ANO8: variants seen among roughly 807,000 people sequenced by gnomAD.
ANO8 encodes the protein anoctamin 8, also known as anoctamin-8.
A neutral mutation model predicts 120.4 loss-of-function variants in ANO8; 67 were observed. The observed-to-expected ratio is 0.56, with a 90% CI of 0.46 to 0.68. The LOEUF (loss-of-function observed/expected upper bound fraction) is 0.68. Among genes scored for constraint, ANO8 ranks in the 30% least tolerant of loss-of-function variants. ANO8 has a pLI of 0.00. For synonymous variants in ANO8, 727 were observed against 759.2 expected (o/e 0.96, Z 0.70); for missense variants, 1,526 against 1,737.6 (o/e 0.88, Z 2.16).
At position 17,333,137 on chromosome 19, in the gene ANO8, C is replaced by T. The variant is rs1462573874; in HGVS notation, c.453G>A (p.Glu151=). ...AGAAGCGTAGCTCGCTCTCCACATT[C>T]TCATAGATAAAGTCCTCCTCGCAGG... The part of the protein sequence containing the change: ...GFSCEEDFIY[E]NVESELRFFT... Residue 151 remains glutamate, a synonymous_variant, in exon 4 of 18, where the codon GAG becomes GAA. Transcript: ENST00000159087. This position sits in a 1 kb window ranked among gnomAD's most constrained non-coding sequence, Gnocchi z 7.2. The T allele has an allele frequency of 6.2e-7, 1 of 1,614,036 alleles. No homozygotes were observed.
Position 17,333,079 on chromosome 19 carries a change from G to C in ANO8, c.489+22C>G, listed in dbSNP as rs752820183. On this transcript the variant is annotated intron_variant, in intron 4 of 17. Transcript: ENST00000159087. This position sits in a 1 kb window ranked among gnomAD's most constrained non-coding sequence, Gnocchi z 7.2. ...GAACTCATAGGCACAGGATGCATGC[G>C]GGGGCCCAGAGCCGGCCTCACCTGG... The C allele has an allele frequency of 6.8e-6, 11 of 1,613,642 alleles. No individual in the cohort carries two copies. Among genetic ancestry groups the C allele is most frequent in the Non-Finnish European group, 9.3e-6 (11 of 1,179,768 alleles).
At chr19:17,323,977 C>G in intron 17 of ANO8, 93 bp from the exon 18 acceptor site, 1 of 1,037,142 alleles carries the variant, frequency 9.6e-7, no homozygotes. Context: ...CCCGGGCATC[C>G]AGGCACATAA....
rs1178580435 is a variant in ANO8 at position 17,326,922 on chromosome 19, T to C, written c.2661+313A>G. 2.0e-5 allele frequency among the ~76,000 whole-genome samples: 3 copies of C among 152,198 alleles called. No homozygotes were observed. The South Asian group carries it at 6.2e-4, about 32-fold the overall frequency. Reference sequence around the variant, plus strand: ...AAGCGACTGGACCCGTTGTGAACACTAGTTATTATTGCTTATTATTACTCT... The same window carrying C: ...AAGCGACTGGACCCGTTGTGAACACCAGTTATTATTGCTTATTATTACTCT... On this transcript the variant is annotated intron_variant, in intron 16 of 17. Transcript: ENST00000159087.
chr19:17,329,578 G>T, intron 12 of ANO8, 179 bp downstream of exon 12: 1 of 614,584 alleles, frequency 1.6e-6, no homozygotes, highest in Non-Finnish European at 2.9e-6. Context: ...ACGGACAGAT[G>T]GGGGGACGAC....
chr19:17,325,070 G>A lies in ANO8; in HGVS notation c.2978C>T (p.Ala993Val). The A allele has an allele frequency of 6.2e-7, 1 of 1,613,548 alleles. No homozygotes were observed. Among genetic ancestry groups the A allele is most frequent in the Non-Finnish European group, 8.5e-7 (1 of 1,179,900 alleles). Residue 993 changes from alanine to valine, a missense_variant, in exon 17 of 18, where the codon GCC becomes GTC. Transcript: ENST00000159087. ...PLQGKFLSSG[A>V]TSSLAAAGAG... Reference sequence around the variant, plus strand: ...CCCTGCAGCAGCCAGTGAGGATGTGGCCCCTGACGAGAGGAATTTGCCCTG... The same window carrying A: ...CCCTGCAGCAGCCAGTGAGGATGTGACCCCTGACGAGAGGAATTTGCCCTG...
chr19:17,331,778 C>G (rs993087944), intron 5 of ANO8, among the ~76,000 whole-genome samples: 1 of 151,548 alleles, frequency 6.6e-6, no homozygotes, highest in Admixed American at 6.6e-5. Context: ...GGATTATAGG[C>G]GCCCACCACC....
At position 17,333,852 on chromosome 19, in the gene ANO8, G is replaced by T; in HGVS notation, c.107-52C>A. On this transcript the variant is annotated intron_variant, in intron 1 of 17. Coordinates refer to ENST00000159087, the MANE Select transcript of ANO8 (RefSeq NM_020959.3). The surrounding 1 kb of genome is among the most constrained non-coding windows in gnomAD (Gnocchi z 7.2). Reference sequence around the variant, plus strand: ...TCAGGCCACTCTGGGATCCGGACCCGGCCTCCAGTCTTGGCTCCTCCTGCC... The same window carrying T: ...TCAGGCCACTCTGGGATCCGGACCCTGCCTCCAGTCTTGGCTCCTCCTGCC... 6.7e-7 allele frequency: 1 copy of T among 1,483,088 alleles called. No homozygotes were observed. The allele number at this position is 1,483,088 out of a possible 1,614,324, so 91.9% of individuals were successfully genotyped here. A position where few individuals can be genotyped will look rare whatever the true frequency, so the allele number is the denominator to read the frequency against.
chr19:17,324,827 C>A lies in ANO8; in HGVS notation c.3221G>T (p.Arg1074Leu), dbSNP rs751784848. 2 of 1,609,998 alleles carry A rather than the reference C, an allele frequency of 1.2e-6. No individual in the cohort carries two copies. Among genetic ancestry groups the A allele is most frequent in the Non-Finnish European group, 1.7e-6 (2 of 1,178,262 alleles). The change falls in exon 17 of 18, where the codon CGG becomes CTG. Residue 1074 changes from arginine (R) to leucine (L), a missense_variant. By Grantham distance (102) the Arg-to-Leu change is moderately radical. This residue lies in a region of ANO8 where 489 missense variants were observed against 548.6 expected (regional missense o/e 0.89). Transcript: ENST00000159087. ...PGSNGAGGQA[R>L]PDGTPSSGSS... ...GCCACTGCTGGGGGTCCCATCTGGCCGGGCCTGCCCGCCCGCCCCGTTGGA... is the reference window on the plus strand; with the variant it reads ...GCCACTGCTGGGGGTCCCATCTGGCAGGGCCTGCCCGCCCGCCCCGTTGGA...
chr19:17,329,079 C>T (rs1278012947), intron 12 of ANO8, 96 bp from the exon 13 acceptor site: 2 of 988,568 alleles, frequency 2.0e-6, no homozygotes, highest in Non-Finnish European at 2.8e-6. Context: ...GCCGGAGCAC[C>T]GTGCCCAGAC....
intron 16 of ANO8, among the ~76,000 whole-genome samples, chr19:17,326,766 C>T (rs779531162): frequency 6.6e-6 from 1 of 152,126 alleles, no homozygotes; most frequent in African/African-American, 2.4e-5. Flanking sequence ...CTGAGGAATG[C>T]GGAAGAAGCT....
chr19:17,327,941 G>A, intron 13 of ANO8, 61 bp from the exon 14 acceptor site: 1 of 1,572,676 alleles, frequency 6.4e-7, no homozygotes, highest in Non-Finnish European at 8.6e-7. Flanking sequence ...TTCTCCCATT[G>A]AGCCCGCCTC....
In ANO8 at chr19:17,332,922, C is replaced by T; in HGVS notation, c.586+8G>A. ...GCCTGTGATTGGTGTTGACCCCGCC[C>T]TGCTCACTGATTGGCTGGTCCTCCA... is the stretch of plus-strand genomic sequence containing the variant. On this transcript the variant is annotated splice_region_variant and intron_variant, in intron 5 of 17. Coordinates refer to ENST00000159087, the MANE Select transcript of ANO8 (RefSeq NM_020959.3). 1 of 1,614,026 alleles carries T rather than the reference C, an allele frequency of 6.2e-7. No individual in the cohort carries two copies. The highest frequency in any genetic ancestry group is 8.5e-7 in the Non-Finnish European group (1 of 1,180,026).
Position 17,334,771 on chromosome 19 carries a change from CA to C in ANO8, c.-102del. ...CCGCGGAGCGCGCGGGAGGAGGAGA[CA>C]AAGGCCGCGCCCGCCCGCGCCGGCC... is the stretch of plus-strand genomic sequence containing the variant. On this transcript the variant is annotated 5_prime_UTR_variant, in exon 1 of 18. Transcript: ENST00000159087. The C allele has an allele frequency of 8.4e-7, 1 of 1,196,088 alleles. No homozygotes were observed. The highest frequency in any genetic ancestry group is 1.1e-6 in the Non-Finnish European group (1 of 908,948). The allele number at this position is 1,196,088 out of a possible 1,614,324, so 74.1% of individuals were successfully genotyped here.
Position 17,333,875 on chromosome 19 carries a change from GC to G in ANO8, c.107-76del. 7.8e-7 allele frequency: 1 copy of G among 1,284,044 alleles called. No homozygotes were observed. Among genetic ancestry groups the G allele is most frequent in the South Asian group, 1.3e-5 (1 of 77,834 alleles). The allele number at this position is 1,284,044 out of a possible 1,614,324, so 79.5% of individuals were successfully genotyped here. On this transcript the variant is annotated intron_variant, in intron 1 of 17. Transcript: ENST00000159087. The surrounding 1 kb of genome is among the most constrained non-coding windows in gnomAD (Gnocchi z 7.2). ...CCGGCCTCCAGTCTTGGCTCCTCCT[GC>G]CCCCGCCAGGGCTCCTCACCACTCC...
In ANO8 at chr19:17,334,715, G is replaced by T. The variant is rs941453701; in HGVS notation, c.-45C>A. The T allele has an allele frequency of 7.5e-6, 10 of 1,324,574 alleles. 1 individual carries two copies. Among genetic ancestry groups the T allele is most frequent in the Middle Eastern group, 2.8e-4 (1 of 3,622 alleles). 82.1% of individuals were successfully genotyped at this position (1,324,574 alleles called of 1,614,324 possible). On this transcript the variant is annotated 5_prime_UTR_variant, in exon 1 of 18. Transcript: ENST00000159087. ...AGGGGCTACGGACGGCCCGGGCGAC[G>T]GGGAGCCGCGGGCTCATGGGGCCGG...
chr19:17,330,844 G>A lies in ANO8; in HGVS notation c.977C>T (p.Pro326Leu). 6.2e-7 allele frequency: 1 copy of A among 1,614,082 alleles called. No homozygotes were observed. Among genetic ancestry groups the A allele is most frequent in the Non-Finnish European group, 8.5e-7 (1 of 1,179,982 alleles). The part of the protein sequence containing the change: ...LDSPGEAVEE[P>L]RPQFRGVRRI... The stretch of plus-strand genomic sequence containing the variant: ...CCAACTGACCCTGAACTGGGGGCGT[G>A]GCTCCTCCACGGCTTCCCCAGGTGA... The change falls in exon 8 of 18, where the codon CCA (proline) becomes CTA (leucine). Residue 326 changes from proline to leucine, a missense_variant. Physicochemically the swap from Pro to Leu is moderately conservative, Grantham distance 98. This residue lies in a region of ANO8 where 322 missense variants were observed against 431.8 expected (regional missense o/e 0.75). Transcript: ENST00000159087.
At position 17,332,265 on chromosome 19, in the gene ANO8, G is replaced by A. The variant is rs150959003; in HGVS notation, c.586+665C>T. On this transcript the variant is annotated intron_variant, in intron 5 of 17. Coordinates refer to ENST00000159087, the MANE Select transcript of ANO8 (RefSeq NM_020959.3). ...TTTTACTTTATTTATTTATTTGTTT[G>A]AGACAGGGTCTCGCTCTGTCACCCA... is the stretch of plus-strand genomic sequence containing the variant. Among the ~76,000 whole-genome samples the A allele has an allele frequency of 1.7e-4, 14 of 81,242 alleles. No homozygotes were observed. In the South Asian group the frequency reaches 4.8e-3, roughly 28 times the overall value. 53.3% of individuals were successfully genotyped at this position (81,242 alleles called of 152,430 possible). A position where few individuals can be genotyped will look rare whatever the true frequency, so the allele number is the denominator to read the frequency against.
rs184936125 is a variant in ANO8, at chr19:17,328,938, G to A, written c.1450C>T (p.Arg484Cys). 1 of 1,509,454 alleles carries A rather than the reference G, an allele frequency of 6.6e-7. No homozygotes were observed. The highest frequency in any genetic ancestry group is 1.2e-5 in the South Asian group (1 of 80,984). 93.5% of individuals were successfully genotyped at this position (1,509,454 alleles called of 1,614,324 possible). A position where few individuals can be genotyped will look rare whatever the true frequency, so the allele number is the denominator to read the frequency against. ...TACAGGTGCGGCTGCAGGACCTCGC[G>A]CACGTTCTGGAGGAACTGGCGGGTG... ...LITRQFLQNV[R>C]EVLQPHLYRR... is the part of the protein sequence containing the mutation. Residue 484 changes from arginine to cysteine, a missense_variant, in exon 13 of 18, where the codon CGC becomes TGC. By Grantham distance (180) the Arg-to-Cys change is radical. Transcript: ENST00000159087.
rs1403178225 is a variant in ANO8 at position 17,327,501 on chromosome 19, C to T, written c.2487G>A (p.Gln829=). 1.2e-5 allele frequency: 19 copies of T among 1,613,300 alleles called. No individual in the cohort carries two copies. Among genetic ancestry groups the T allele is most frequent in the Non-Finnish European group, 1.4e-5 (17 of 1,179,876 alleles). The change falls in exon 15 of 18, where the codon CAG becomes CAA. Residue 829 remains glutamine, a synonymous_variant. Transcript: ENST00000159087. The stretch of plus-strand genomic sequence containing the variant: ...TCAGCCAGGGGAAGAGGCGCTGCAG[C>T]TGCCCGCACTGGCCGATTAAGTAGC... ...VNCYLIGQCG[Q]LQRLFPWLSP... is the part of the protein sequence containing the mutation.
Sources: allele counts gnomAD v4.1 joint callset (sites outside exome capture counted in the v4.1 genomes callset), GRCh38; gene constraint gnomAD v4.1.1; regional missense constraint gnomAD v4.1.1; non-coding constraint Gnocchi (gnomAD v3.1); transcripts MANE v1.5; gene names NCBI Gene and HGNC (gene_info 2026-07-23, HGNC 2026-07-21).